Variants in HLCS observed in about 807,000 individuals in gnomAD.
The protein encoded by HLCS is holocarboxylase synthetase.
HLCS carries 53 observed loss-of-function variants against 75.0 expected under a neutral mutation model. That is an observed-to-expected ratio of 0.71 (90% confidence interval 0.57 to 0.89). HLCS has a LOEUF of 0.89. Ranked by LOEUF, HLCS falls within the 40% of genes least tolerant of loss-of-function variation. HLCS has a pLI of 0.00. For synonymous variants in HLCS, 431 were observed against 428.6 expected, an observed-to-expected ratio of 1.01 and a Z score of -0.07; for missense variants, 966 against 1,074.0, an observed-to-expected ratio of 0.90 and a Z score of 1.41.
At chr21:36,873,725 G>A (rs1569129955) in intron 6 of HLCS, among the ~76,000 whole-genome samples, 1 of 151,960 alleles carries the variant, frequency 6.6e-6, no homozygotes, top group African/African-American at 2.4e-5. Flanking sequence ...CAGGCCTCCT[G>A]GGCAACTGGG....
In HLCS at chr21:36,748,899, GT is replaced by G. The variant is rs113733314; in HGVS notation, c.*5346del. 2.0e-5 allele frequency: 3 copies of G among 152,662 alleles called. No individual in the cohort carries two copies. The highest frequency in any genetic ancestry group is 7.2e-5 in the African/African-American group (3 of 41,526). 9.5% of individuals were successfully genotyped at this position (152,662 alleles called of 1,614,324 possible). On this transcript the variant is annotated 3_prime_UTR_variant, in exon 11 of 11. Coordinates refer to ENST00000674895, the MANE Select transcript of HLCS (RefSeq NM_001352514.2). ...TGACCCTGTCAAGCTTCATTATTAC[GT>G]GGCAAAATCCCTCTGGCCCACACAG...
chr21:36,989,019 T>C (rs182506163), intron 1 of HLCS, among the ~76,000 whole-genome samples: 1 of 148,680 alleles, frequency 6.7e-6, no homozygotes, highest in African/African-American at 2.5e-5. Context: ...CTTTTAATTT[T>C]ATTTTATTTT....
intron 6 of HLCS, among the ~76,000 whole-genome samples, chr21:36,889,305 T>C (rs142999289): frequency 1.1e-4 from 16 of 152,328 alleles, no homozygotes; most frequent in African/African-American, 2.9e-4. Context: ...GAAATTGGCG[T>C]AAGCAAGTTT....
At chr21:36,947,469 G>C (rs2067460313) in intron 2 of HLCS, 1 of 985,370 alleles carries the variant, frequency 1.0e-6, no homozygotes, top group East Asian at 1.1e-4. Flanking sequence ...TTGCCTTCCA[G>C]TGGATAAAGG....
Position 36,754,045 on chromosome 21 carries a change from C to T in HLCS, c.*201G>A. On this transcript the variant is annotated 3_prime_UTR_variant, in exon 11 of 11. Transcript: ENST00000674895. Reference sequence around the variant, plus strand: ...GGCTTTCCCTAAACTAAATTTTCTACTTCTTAACCATCTATCCCAGAGCCT... The same window carrying T: ...GGCTTTCCCTAAACTAAATTTTCTATTTCTTAACCATCTATCCCAGAGCCT... 1.6e-6 allele frequency: 1 copy of T among 637,554 alleles called. No homozygotes were observed. The highest frequency in any genetic ancestry group is 2.7e-6 in the Non-Finnish European group (1 of 372,758). 39.5% of individuals were successfully genotyped at this position (637,554 alleles called of 1,614,324 possible).
At chr21:36,889,822 A>C (rs1309897099) in intron 6 of HLCS, among the ~76,000 whole-genome samples, 1 of 152,208 alleles carries the variant, frequency 6.6e-6, no homozygotes, top group African/African-American at 2.4e-5. Flanking sequence ...AGGAAATAGC[A>C]CAGAAAAATA....
chr21:36,983,055 A>G (rs1298491914), intron 1 of HLCS, among the ~76,000 whole-genome samples: 1 of 152,086 alleles, frequency 6.6e-6, no homozygotes, highest in Admixed American at 6.5e-5. Flanking sequence ...AAAAACAAAA[A>G]CAAAAAAACT....
rs529948417 is a variant in HLCS, at chr21:36,885,118, A to C, written c.1892+11742T>G. On this transcript the variant is annotated intron_variant, in intron 6 of 10. Coordinates refer to ENST00000674895, the MANE Select transcript of HLCS (RefSeq NM_001352514.2). ...CATCTTTCAAAAAAAGTTGGACTAAAATATTTTTGGCACAACAGTAACCAG... is the reference window on the plus strand; with the variant it reads ...CATCTTTCAAAAAAAGTTGGACTAACATATTTTTGGCACAACAGTAACCAG... 1.1e-4 allele frequency among the ~76,000 whole-genome samples: 16 copies of C among 152,376 alleles called. No individual in the cohort carries two copies. The South Asian group carries it at 3.3e-3, about 32-fold the overall frequency.
At chr21:36,784,694 G>T (rs1307262752) in intron 6 of HLCS, among the ~76,000 whole-genome samples, 2 of 152,070 alleles carry the variant, frequency 1.3e-5, no homozygotes, top group Non-Finnish European at 2.9e-5. Context: ...TCTGGAAATT[G>T]ACTTCCAAAT....
At chr21:36,778,937 T>C (rs2060445293) in intron 6 of HLCS, among the ~76,000 whole-genome samples, 2 of 152,178 alleles carry the variant, frequency 1.3e-5, no homozygotes, top group African/African-American at 4.8e-5. Context: ...TCTCAGCCCC[T>C]GCCCTGGAAT....
Position 36,777,442 on chromosome 21 carries a change from CT to C in HLCS, c.1893-10158del, listed in dbSNP as rs2060394228. ...GGCCAGACTCGGCCCAAGGGCCAAA[CT>C]TTGCCAACCCCAGATCTCATCTATA... On this transcript the variant is annotated intron_variant, in intron 6 of 10. Coordinates refer to ENST00000674895, the MANE Select transcript of HLCS (RefSeq NM_001352514.2). 2.0e-5 allele frequency among the ~76,000 whole-genome samples: 3 copies of C among 152,380 alleles called. No individual in the cohort carries two copies. In the South Asian group the frequency reaches 6.2e-4, roughly 32 times the overall value.
At chr21:36,897,742 G>A (rs1447740841) in intron 5 of HLCS, among the ~76,000 whole-genome samples, 2 of 152,170 alleles carry the variant, frequency 1.3e-5, no homozygotes, top group East Asian at 1.9e-4. Flanking sequence ...GGAGGTACAA[G>A]GAGGAGAAGG....
At position 36,883,133 on chromosome 21, in the gene HLCS, A is replaced by T. The variant is rs549092984; in HGVS notation, c.1892+13727T>A. ...ACAGAACATGCTTCTCTCCAAAACA[A>T]AAAGCAGAAACAACAAAGGTATTTC... On this transcript the variant is annotated intron_variant, in intron 6 of 10. Coordinates refer to ENST00000674895, the MANE Select transcript of HLCS (RefSeq NM_001352514.2). 2.0e-5 allele frequency among the ~76,000 whole-genome samples: 3 copies of T among 152,324 alleles called. No individual in the cohort carries two copies. In the South Asian group the frequency reaches 6.2e-4, roughly 32 times the overall value.
chr21:36,766,463 T>G (rs1270663815), intron 7 of HLCS, among the ~76,000 whole-genome samples: 1 of 151,828 alleles, frequency 6.6e-6, no homozygotes, highest in African/African-American at 2.4e-5. Flanking sequence ...ACAAAAACAT[T>G]TTTTTTTTCC....
chr21:36,788,701 A>G (rs2145868156), intron 6 of HLCS, among the ~76,000 whole-genome samples: 1 of 152,310 alleles, frequency 6.6e-6, no homozygotes, highest in South Asian at 2.1e-4. Flanking sequence ...GTGTGTTATT[A>G]AAAGGATCCT....
intron 2 of HLCS, among the ~76,000 whole-genome samples, chr21:36,940,978 A>G (rs2067115059): frequency 6.6e-6 from 1 of 152,156 alleles, no homozygotes; most frequent in Non-Finnish European, 1.5e-5. Flanking sequence ...TTGGGAGGCC[A>G]AGGTGGGCAA....
At chr21:36,965,731 AT>A (rs35275580) in intron 1 of HLCS, among the ~76,000 whole-genome samples, 108 of 141,958 alleles carry the variant, frequency 7.6e-4, no homozygotes, top group East Asian at 1.5e-3. Flanking sequence ...TTTGTTTGGG[AT>A]TTTTTTTTTT....
In HLCS at chr21:36,801,377, C is replaced by T. The variant is rs141895045; in HGVS notation, c.1893-34092G>A. ...GCTCTCCAGCCCAAATCATCTGTGC[C>T]ACATTCTATTATAACAATCGGAGAG... On this transcript the variant is annotated intron_variant, in intron 6 of 10. Coordinates refer to ENST00000674895, the MANE Select transcript of HLCS (RefSeq NM_001352514.2). Among the ~76,000 whole-genome samples the T allele has an allele frequency of 5.2e-3, 796 of 152,290 alleles. 4 individuals are homozygous for T. The highest frequency in any genetic ancestry group is 8.5e-3 in the Non-Finnish European group (581 of 68,034).
At position 36,832,484 on chromosome 21, in the gene HLCS, C is replaced by T. The variant is rs567440583; in HGVS notation, c.1892+64376G>A. The stretch of plus-strand genomic sequence containing the variant: ...AAAGTACAAGAGGGCTCCAGCTTCC[C>T]GACCTCACTCACAGTCTAGGCTAGA... On this transcript the variant is annotated intron_variant, in intron 6 of 10. Transcript: ENST00000674895. 3.3e-5 allele frequency among the ~76,000 whole-genome samples: 5 copies of T among 152,320 alleles called. No homozygotes were observed. In the South Asian group the frequency reaches 6.2e-4, roughly 19 times the overall value.
Sources: gnomAD v4.1 joint callset for allele counts (sites outside exome capture counted in the v4.1 genomes callset) on GRCh38, gnomAD v4.1.1 for gene constraint, MANE v1.5 for transcripts, NCBI Gene and HGNC (gene_info 2026-07-23, HGNC 2026-07-21) for gene names.